TMPRSS13: variants seen among roughly 807,000 people sequenced by gnomAD.
TMPRSS13 encodes the protein transmembrane protease serine 13.
In TMPRSS13, 50 loss-of-function variants were observed where a neutral mutation model predicts 68.4. The ratio of observed to expected loss-of-function variants is 0.73; its 90% CI spans 0.58 to 0.93. TMPRSS13 has a LOEUF of 0.93. Ranked by LOEUF, TMPRSS13 falls within the 40% of genes least tolerant of loss-of-function variation. TMPRSS13 has a pLI of 0.00. For synonymous variants in TMPRSS13, 267 were observed against 285.8 expected (o/e 0.93, Z 0.66); for missense variants, 615 against 729.2 (o/e 0.84, Z 1.80).
intron 9 of TMPRSS13, among the ~76,000 whole-genome samples, chr11:117,906,287 A>G (rs1470275304): frequency 6.6e-6 from 1 of 152,252 alleles, no homozygotes; most frequent in Non-Finnish European, 1.5e-5. Flanking sequence ...TCCTAGAGAC[A>G]CAGACCACAG....
At chr11:117,919,936 G>C (rs761422337) in intron 1 of TMPRSS13, among the ~76,000 whole-genome samples, 3 of 152,238 alleles carry the variant, frequency 2.0e-5, no homozygotes, top group Non-Finnish European at 4.4e-5. Context: ...GTTAAGAATG[G>C]GGCCCCCTGG....
At chr11:117,911,934 G>A (rs2057527503) in intron 5 of TMPRSS13, 74 bp from the exon 6 acceptor site, 1 of 1,210,364 alleles carries the variant, frequency 8.3e-7, no homozygotes, top group African/African-American at 1.5e-5. Context: ...GCAGGCTAGA[G>A]CCCCACCAGC....
Position 117,915,016 on chromosome 11 carries a change from C to T in TMPRSS13, c.557-502G>A, listed in dbSNP as rs2057562673. 1.3e-5 allele frequency among the ~76,000 whole-genome samples: 2 copies of T among 152,182 alleles called. No homozygotes were observed. Among genetic ancestry groups the T allele is most frequent in the South Asian group, 2.1e-4 (1 of 4,824 alleles). The stretch of plus-strand genomic sequence containing the variant: ...ACCATCCTTCCAGCCTCAAAAGCTC[C>T]TAGGTTTTTTGCTTCTCCCTCTCCC... On this transcript the variant is annotated intron_variant, in intron 3 of 12. Coordinates refer to ENST00000524993, the MANE Select transcript of TMPRSS13 (RefSeq NM_001077263.3). This position sits in a 1 kb window ranked among gnomAD's most constrained non-coding sequence, Gnocchi z 4.9.
At chr11:117,921,354 C>A (rs118018598) in intron 1 of TMPRSS13, among the ~76,000 whole-genome samples, 1 of 152,196 alleles carries the variant, frequency 6.6e-6, no homozygotes, top group African/African-American at 2.4e-5. Flanking sequence ...CCAGTTTGTA[C>A]ACAAGGACCC....
intron 6 of TMPRSS13, 89 bp from the exon 7 acceptor site, chr11:117,910,839 T>A: frequency 8.1e-7 from 1 of 1,241,814 alleles, no homozygotes; most frequent in Non-Finnish European, 1.1e-6. Flanking sequence ...TCAGTTCCTA[T>A]CCTGTTTCCA....
Position 117,903,818 on chromosome 11 carries a change from G to A in TMPRSS13, c.1525-11C>T, listed in dbSNP as rs1353432307. 4.4e-6 allele frequency: 7 copies of A among 1,608,970 alleles called. No homozygotes were observed. Among genetic ancestry groups the A allele is most frequent in the Admixed American group, 1.7e-5 (1 of 59,120 alleles). On this transcript the variant is annotated splice_polypyrimidine_tract_variant and intron_variant, in intron 11 of 12. Coordinates refer to ENST00000524993, the MANE Select transcript of TMPRSS13 (RefSeq NM_001077263.3). ...CCCCCCGCTGTCTCCCTGCAGGGGA[G>A]AGGGGGCACATTCGCAGGATGGGAC...
chr11:117,913,898 C>A lies in TMPRSS13; in HGVS notation c.688G>T (p.Asp230Tyr). ...KSDELGCVRF[D>Y]WDKSLLKIYS... ...ATTTTAAGCAGAGACTTGTCCCAGT[C>A]AAACCTCACTGCAGGGCAAGAAAAA... Residue 230 changes from aspartate to tyrosine, a missense_variant, in exon 5 of 13, where the codon GAC (aspartate) becomes TAC (tyrosine). By Grantham distance (160) the Asp-to-Tyr change is radical. Coordinates refer to ENST00000524993, the MANE Select transcript of TMPRSS13 (RefSeq NM_001077263.3). The A allele has an allele frequency of 6.2e-7, 1 of 1,613,756 alleles. No homozygotes were observed.
chr11:117,929,116 G>C (rs2057734593), intron 1 of TMPRSS13, among the ~76,000 whole-genome samples, 171 bp downstream of exon 1: 1 of 152,186 alleles, frequency 6.6e-6, no homozygotes. Context: ...CTAGAACCAC[G>C]TTAAAAGGAG....
intron 2 of TMPRSS13, among the ~76,000 whole-genome samples, chr11:117,918,082 G>A (rs755584432): frequency 5.3e-5 from 8 of 152,160 alleles, no homozygotes; most frequent in Non-Finnish European, 1.0e-4. Flanking sequence ...GACAGCACAA[G>A]GAGAGAACCC....
intron 8 of TMPRSS13, among the ~76,000 whole-genome samples, chr11:117,909,048 C>T (rs959985465): frequency 6.6e-6 from 1 of 152,134 alleles, no homozygotes; most frequent in Non-Finnish European, 1.5e-5. Context: ...GCACTCCCCC[C>T]CCACTATCTC....
chr11:117,923,009 G>A (rs1046893347), intron 1 of TMPRSS13, among the ~76,000 whole-genome samples: 1 of 152,210 alleles, frequency 6.6e-6, no homozygotes, highest in African/African-American at 2.4e-5. Context: ...GCAGGGCAGG[G>A]GTCCGCAGGA....
At chr11:117,906,570 G>A (rs1407764927) in intron 9 of TMPRSS13, among the ~76,000 whole-genome samples, 1 of 152,238 alleles carries the variant, frequency 6.6e-6, no homozygotes, top group African/African-American at 2.4e-5. Context: ...AAGGCAGGAA[G>A]CGTAGATGGG....
intron 1 of TMPRSS13, among the ~76,000 whole-genome samples, chr11:117,923,748 T>A (rs1173186261): frequency 1.3e-5 from 2 of 149,298 alleles, no homozygotes; most frequent in African/African-American, 5.0e-5. Flanking sequence ...GACGAGTTAA[T>A]GGGTGCAGCA....
At chr11:117,921,399 C>T (rs957722643) in intron 1 of TMPRSS13, among the ~76,000 whole-genome samples, 2 of 152,218 alleles carry the variant, frequency 1.3e-5, no homozygotes, top group African/African-American at 4.8e-5. Context: ...CACCTCACCC[C>T]CTGAATGAGC....
Position 117,908,508 on chromosome 11 carries a change from A to T in TMPRSS13, c.1282+104T>A, listed in dbSNP as rs11827543. On this transcript the variant is annotated intron_variant, in intron 9 of 12. Coordinates refer to ENST00000524993, the MANE Select transcript of TMPRSS13 (RefSeq NM_001077263.3). ...GAGTCTTTGACTTCTGCCCTGCAGA[A>T]GCTTTGGGGCCCGGATATGAGTTGA... The T allele has an allele frequency of 2.9e-3, 3,750 of 1,311,494 alleles. 79 individuals carry two copies. The African/African-American group carries it at 0.048, about 17-fold the overall frequency. The allele number at this position is 1,311,494 out of a possible 1,614,324, so 81.2% of individuals were successfully genotyped here. A position where few individuals can be genotyped will look rare whatever the true frequency, so the allele number is the denominator to read the frequency against.
Position 117,914,269 on chromosome 11 carries a change from A to G in TMPRSS13, c.679+123T>C. ...TACATGCATACACACAAACATGCACATACACACACATGCACGCACACATAT... is the reference window on the plus strand; with the variant it reads ...TACATGCATACACACAAACATGCACGTACACACACATGCACGCACACATAT... On this transcript the variant is annotated intron_variant, in intron 4 of 12. Coordinates refer to ENST00000524993, the MANE Select transcript of TMPRSS13 (RefSeq NM_001077263.3). The surrounding 1 kb of genome is among the most constrained non-coding windows in gnomAD (Gnocchi z 4.2). The G allele has an allele frequency of 2.3e-6, 3 of 1,333,186 alleles. No individual in the cohort carries two copies. The allele number at this position is 1,333,186 out of a possible 1,614,324, so 82.6% of individuals were successfully genotyped here.
At chr11:117,908,512 T>C in intron 9 of TMPRSS13, 100 bp downstream of exon 9, 3 of 1,336,236 alleles carry the variant, frequency 2.2e-6, no homozygotes, top group South Asian at 1.2e-5. Context: ...TGCAGAAGCT[T>C]TGGGGCCCGG....
intron 12 of TMPRSS13, 129 bp downstream of exon 12, chr11:117,903,526 G>A (rs1285237033): frequency 6.4e-7 from 1 of 1,557,406 alleles, no homozygotes; most frequent in Non-Finnish European, 8.7e-7. Flanking sequence ...ATTTGACCCT[G>A]TCCAGAACAC....
In TMPRSS13 at chr11:117,904,260, C is replaced by T. The variant is rs79493072; in HGVS notation, c.1382-159G>A. 6.6e-3 allele frequency among the ~76,000 whole-genome samples: 1,003 copies of T among 152,318 alleles called. 4 individuals carry two copies. The highest frequency in any genetic ancestry group is 9.9e-3 in the Non-Finnish European group (671 of 68,028). ...CTGGCTCCCACCCAAGGGAGGCCCT[C>T]TGTGGTTGGACACCCAGGACATATG... On this transcript the variant is annotated intron_variant, in intron 10 of 12. Coordinates refer to ENST00000524993, the MANE Select transcript of TMPRSS13 (RefSeq NM_001077263.3).
Sources: gnomAD v4.1 joint callset for allele counts (sites outside exome capture counted in the v4.1 genomes callset) on GRCh38, gnomAD v4.1.1 for gene constraint, Gnocchi (gnomAD v3.1) non-coding constraint, MANE v1.5 for transcripts, NCBI Gene and HGNC (gene_info 2026-07-23, HGNC 2026-07-21) for gene names.